The following ARHGAP32 variants were observed in gnomAD, a reference collection of about 807,000 sequenced individuals.
ARHGAP32 encodes the protein rho GTPase-activating protein 32.
In ARHGAP32, 51 loss-of-function variants were observed where a neutral mutation model predicts 186.5. That is an observed-to-expected ratio of 0.27 (90% CI 0.22 to 0.35). The LOEUF (loss-of-function observed/expected upper bound fraction) is 0.35, where lower values mean the gene tolerates loss of function less well. Among genes scored for constraint, ARHGAP32 ranks in the 10% least tolerant of loss-of-function variants. The pLI is 1.00. For synonymous variants in ARHGAP32, 950 were observed against 964.3 expected (o/e 0.99, Z 0.27); for missense variants, 2,186 against 2,623.5 (o/e 0.83, Z 3.64).
chr11:129,181,010 C>A (rs527605929), intron 1 of ARHGAP32, among the ~76,000 whole-genome samples: 5 of 152,182 alleles, frequency 3.3e-5, no homozygotes, highest in South Asian at 4.2e-4. Flanking sequence ...GAAGTCCAAG[C>A]GGATTTCCTT....
rs377436857 is a variant in ARHGAP32 at position 129,174,580 on chromosome 11, C to T, written c.117-10153G>A. 1.5e-4 allele frequency among the ~76,000 whole-genome samples: 23 copies of T among 152,312 alleles called. No homozygotes were observed. In the East Asian group the frequency reaches 2.7e-3, roughly 18 times the overall value. ...GAAGAGAGCAATGCTTCTCCCAGCA[C>T]GCAGCTGGAGATCTGAGAACAGGCA... On this transcript the variant is annotated intron_variant, in intron 1 of 22. Coordinates refer to ENST00000682385, the MANE Select transcript of ARHGAP32 (RefSeq NM_001378024.1).
At chr11:129,233,086 T>C (rs1408771235) in intron 1 of ARHGAP32, among the ~76,000 whole-genome samples, 1 of 152,150 alleles carries the variant, frequency 6.6e-6, no homozygotes, top group Non-Finnish European at 1.5e-5. Flanking sequence ...AGTATAATGC[T>C]ATTTTTATTG....
At chr11:129,111,622 T>A (rs1252560419) in intron 5 of ARHGAP32, among the ~76,000 whole-genome samples, 1 of 152,192 alleles carries the variant, frequency 6.6e-6, no homozygotes, top group South Asian at 2.1e-4. Context: ...GATTCAATTT[T>A]AGTAGGCTGC....
At chr11:128,997,911 T>A (rs57085245) in intron 12 of ARHGAP32, among the ~76,000 whole-genome samples, 1,634 of 151,964 alleles carry the variant, frequency 0.011, 26 homozygotes, top group African/African-American at 0.037. Context: ...ACAAAAAAAA[T>A]TGGAAGATTG....
intron 5 of ARHGAP32, among the ~76,000 whole-genome samples, chr11:129,106,841 A>G (rs556318937): frequency 6.6e-6 from 1 of 152,312 alleles, no homozygotes; most frequent in South Asian, 2.1e-4. Flanking sequence ...TAAAAAACCT[A>G]TGAGACCCAT....
chr11:129,253,322 C>G (rs1945210469), intron 1 of ARHGAP32, among the ~76,000 whole-genome samples: 1 of 152,104 alleles, frequency 6.6e-6, no homozygotes. Context: ...TAGGTAGGTA[C>G]ACACTCTCAC....
At chr11:129,170,435 G>T (rs1014902652) in intron 1 of ARHGAP32, among the ~76,000 whole-genome samples, 2 of 152,022 alleles carry the variant, frequency 1.3e-5, no homozygotes, top group African/African-American at 4.8e-5. Flanking sequence ...GCAGTGTTTG[G>T]TTTTCTGTTC....
chr11:129,278,090 T>C (rs764644302), intron 1 of ARHGAP32, among the ~76,000 whole-genome samples: 15 of 152,190 alleles, frequency 9.9e-5, no homozygotes, highest in South Asian at 2.1e-4. Flanking sequence ...AATACAAACA[T>C]AGACAATGTT....
intron 1 of ARHGAP32, among the ~76,000 whole-genome samples, chr11:129,232,648 T>TC (rs1228913719): frequency 6.6e-6 from 1 of 152,172 alleles, no homozygotes; most frequent in Non-Finnish European, 1.5e-5. Flanking sequence ...AGATTGACTC[T>TC]CATCTGAAGG....
intron 1 of ARHGAP32, among the ~76,000 whole-genome samples, chr11:129,272,492 A>G (rs1454572653): frequency 6.6e-6 from 1 of 152,218 alleles, no homozygotes; most frequent in Non-Finnish European, 1.5e-5. Context: ...CATACCACTT[A>G]TGTCCACATC....
intron 11 of ARHGAP32, among the ~76,000 whole-genome samples, chr11:128,999,287 C>T (rs372900412): frequency 6.6e-6 from 1 of 152,104 alleles, no homozygotes; most frequent in African/African-American, 2.4e-5. Flanking sequence ...TCCTGCGGTG[C>T]CCCCAGGCTT....
At chr11:129,128,775 G>T (rs1406499986) in intron 2 of ARHGAP32, among the ~76,000 whole-genome samples, 1 of 152,172 alleles carries the variant, frequency 6.6e-6, no homozygotes, top group Non-Finnish European at 1.5e-5. Flanking sequence ...GGTGGAGACG[G>T]GGTTTCGCCG....
chr11:129,133,917 C>T (rs909170350), intron 2 of ARHGAP32, among the ~76,000 whole-genome samples: 6 of 152,014 alleles, frequency 3.9e-5, no homozygotes, highest in Non-Finnish European at 8.8e-5. Context: ...CAGTTGAAAG[C>T]ACAAATTATA....
intron 10 of ARHGAP32, among the ~76,000 whole-genome samples, chr11:129,046,891 G>A (rs567625053): frequency 1.4e-4 from 21 of 152,200 alleles, no homozygotes; most frequent in South Asian, 8.3e-4. Flanking sequence ...TTGGGAGGCC[G>A]AGGCGGGCGG....
intron 2 of ARHGAP32, among the ~76,000 whole-genome samples, chr11:129,135,436 A>C (rs1219989088): frequency 6.6e-6 from 1 of 152,246 alleles, no homozygotes; most frequent in Non-Finnish European, 1.5e-5. Flanking sequence ...TGGCCATTTC[A>C]ATAACTGTAC....
intron 5 of ARHGAP32, among the ~76,000 whole-genome samples, chr11:129,095,147 A>G (rs1238373304): frequency 2.6e-5 from 4 of 152,236 alleles, no homozygotes; most frequent in Non-Finnish European, 4.4e-5. Flanking sequence ...ATAAAAGCAT[A>G]GTTTAAAAAA....
At chr11:129,162,990 T>C (rs193101872) in intron 2 of ARHGAP32, among the ~76,000 whole-genome samples, 33 of 152,276 alleles carry the variant, frequency 2.2e-4, no homozygotes, top group South Asian at 6.2e-4. Flanking sequence ...GCAAAGTAAA[T>C]TTCCATACTG....
intron 6 of ARHGAP32, among the ~76,000 whole-genome samples, chr11:129,081,909 G>T (rs957028129): frequency 2.6e-5 from 4 of 152,042 alleles, no homozygotes; most frequent in Non-Finnish European, 5.9e-5. Flanking sequence ...AAAGTTTCAG[G>T]ATACAAAGTC....
chr11:129,042,601 A>C (rs1939641567), intron 10 of ARHGAP32, among the ~76,000 whole-genome samples: 1 of 152,184 alleles, frequency 6.6e-6, no homozygotes, highest in African/African-American at 2.4e-5. Flanking sequence ...CATGGTTAAC[A>C]GCGTAGCCTC....
Sources: gnomAD v4.1 joint callset for allele counts (sites outside exome capture counted in the v4.1 genomes callset) on GRCh38, gnomAD v4.1.1 for gene constraint, MANE v1.5 for transcripts, NCBI Gene and HGNC (gene_info 2026-07-23, HGNC 2026-07-21) for gene names.